The following AFP variants were observed in gnomAD, a reference collection of about 807,000 sequenced individuals.
AFP encodes the protein alpha fetoprotein, also known as alpha-fetoprotein.
In AFP, 64 loss-of-function variants were observed where a neutral mutation model predicts 78.9. The observed-to-expected ratio is 0.81, with a 90% CI of 0.66 to 1.00. The LOEUF is 1.00. Ranked by LOEUF, AFP falls within the 50% of genes least tolerant of loss-of-function variation. AFP has a pLI of 0.00. For synonymous variants in AFP, 254 were observed against 243.8 expected (o/e 1.04, Z -0.39); for missense variants, 689 against 703.8 (o/e 0.98, Z 0.24).
intron 7 of AFP, 147 bp downstream of exon 7, chr4:73,445,269 A>C: frequency 1.0e-6 from 1 of 955,640 alleles, no homozygotes; most frequent in South Asian, 1.5e-5. Context: ...AATTCTCGGT[A>C]GTAAAACTTA....
chr4:73,440,966 G>A (rs1222923394), intron 4 of AFP, among the ~76,000 whole-genome samples, 153 bp downstream of exon 4: 5 of 152,098 alleles, frequency 3.3e-5, no homozygotes, highest in African/African-American at 1.2e-4. Flanking sequence ...AAGGTAATTA[G>A]GAGAGCAACA....
chr4:73,450,594 GT>G lies in AFP; in HGVS notation c.1290-19del. The G allele has an allele frequency of 6.2e-7, 1 of 1,614,066 alleles. No homozygotes were observed. The highest frequency in any genetic ancestry group is 8.5e-7 in the Non-Finnish European group (1 of 1,179,972). On this transcript the variant is annotated intron_variant, in intron 10 of 14. Coordinates refer to ENST00000395792, the MANE Select transcript of AFP (RefSeq NM_001134.3). ...CTCATGAATGACTCAGCAGGACTTAGTTAAAAAATGCTTCTTTCAGGTTTCT... is the reference window on the plus strand; with the variant it reads ...CTCATGAATGACTCAGCAGGACTTAGTAAAAAATGCTTCTTTCAGGTTTCT...
At chr4:73,455,382 T>A (rs1560399222) in intron 14 of AFP, 92 bp downstream of exon 14, 1 of 1,073,920 alleles carries the variant, frequency 9.3e-7, no homozygotes, top group East Asian at 2.4e-5. Flanking sequence ...TGCCATTAAT[T>A]CTCTTAAAAA....
chr4:73,450,002 G>GA, intron 9 of AFP, 34 bp from the exon 10 acceptor site: 3 of 1,495,770 alleles, frequency 2.0e-6, no homozygotes, highest in Non-Finnish European at 2.8e-6. Context: ...TCCAAGAAAA[G>GA]AAAAATGTAT....
At position 73,449,469 on chromosome 4, in the gene AFP, T is replaced by C; in HGVS notation, c.1191+2T>C. On this transcript the variant is annotated splice_donor_variant, in intron 9 of 14. Coordinates refer to ENST00000395792, the MANE Select transcript of AFP (RefSeq NM_001134.3). LOFTEE classifies it high-confidence loss of function. Reference sequence around the variant, plus strand: ...CCTCTTGAATGCCAAGATAAAGGAGTAAGTTGCTCTAGAATTTTAGGGGAG... The same window carrying C: ...CCTCTTGAATGCCAAGATAAAGGAGCAAGTTGCTCTAGAATTTTAGGGGAG... 6.2e-7 allele frequency: 1 copy of C among 1,613,228 alleles called. No homozygotes were observed. Among genetic ancestry groups the C allele is most frequent in the Non-Finnish European group, 8.5e-7 (1 of 1,179,542 alleles).
At chr4:73,453,018 A>C (rs1373611750) in intron 12 of AFP, among the ~76,000 whole-genome samples, 1 of 152,182 alleles carries the variant, frequency 6.6e-6, no homozygotes, top group Non-Finnish European at 1.5e-5. Flanking sequence ...CTTTGAAGAG[A>C]ATAACCATCT....
intron 7 of AFP, among the ~76,000 whole-genome samples, chr4:73,445,485 A>T (rs1360573717): frequency 6.6e-6 from 1 of 152,180 alleles, no homozygotes; most frequent in Non-Finnish European, 1.5e-5. Context: ...AATATATATT[A>T]AATACTTTCT....
At chr4:73,451,595 A>G (rs1719994728) in intron 11 of AFP, among the ~76,000 whole-genome samples, 1 of 152,124 alleles carries the variant, frequency 6.6e-6, no homozygotes. Flanking sequence ...ATGGTTCAGG[A>G]GTGTATGTTC....
intron 13 of AFP, among the ~76,000 whole-genome samples, chr4:73,454,178 G>A (rs904874018): frequency 1.3e-4 from 19 of 151,680 alleles, no homozygotes; most frequent in Admixed American, 1.1e-3. Context: ...AATAATTGAC[G>A]GTAATTTAGA....
intron 7 of AFP, among the ~76,000 whole-genome samples, chr4:73,446,454 G>GA (rs1245991492): frequency 2.0e-5 from 3 of 152,150 alleles, no homozygotes; most frequent in African/African-American, 7.2e-5. Context: ...TCTTTGCTGA[G>GA]AATGTACAGA....
chr4:73,455,535 G>A (rs1385248111), intron 14 of AFP, 96 bp from the exon 15 acceptor site: 12 of 651,214 alleles, frequency 1.8e-5, no homozygotes, highest in Admixed American at 5.6e-5. Flanking sequence ...ACTTTCCTAC[G>A]TATCCAATAT....
At chr4:73,443,196 C>A in intron 5 of AFP, 151 bp from the exon 6 acceptor site, 1 of 692,402 alleles carries the variant, frequency 1.4e-6, no homozygotes, top group South Asian at 1.8e-5. Flanking sequence ...CAATAATATT[C>A]TGCGATAATG....
chr4:73,449,980 C>A (rs533487279), intron 9 of AFP, 56 bp from the exon 10 acceptor site: 3 of 1,155,076 alleles, frequency 2.6e-6, no homozygotes, highest in African/African-American at 3.1e-5. Context: ...ATTTTATATA[C>A]AAAGTTATGC....
intron 3 of AFP, among the ~76,000 whole-genome samples, chr4:73,440,243 T>A (rs1346267907): frequency 1.3e-5 from 2 of 152,252 alleles, no homozygotes; most frequent in East Asian, 3.9e-4. Context: ...CCCCAGTGTG[T>A]GCTGTTTCCC....
At chr4:73,442,189 T>C (rs1719689987) in intron 4 of AFP, 107 bp from the exon 5 acceptor site, 5 of 1,104,256 alleles carry the variant, frequency 4.5e-6, no homozygotes, top group Non-Finnish European at 5.3e-6. Flanking sequence ...ATGCATTTTG[T>C]TGTTGTTGTT....
At chr4:73,453,694 C>T in intron 12 of AFP, 71 bp from the exon 13 acceptor site, 1 of 1,566,746 alleles carries the variant, frequency 6.4e-7, no homozygotes, top group Non-Finnish European at 8.7e-7. Flanking sequence ...AAATTCTCTA[C>T]TAGGAAGGCT....
At chr4:73,441,446 T>G (rs1719661156) in intron 4 of AFP, among the ~76,000 whole-genome samples, 1 of 150,922 alleles carries the variant, frequency 6.6e-6, no homozygotes, top group East Asian at 2.0e-4. Context: ...TGGGCGCCTG[T>G]AGTCCCAGCT....
chr4:73,448,956 C>G (rs913954003), intron 8 of AFP, among the ~76,000 whole-genome samples: 3 of 152,070 alleles, frequency 2.0e-5, no homozygotes, highest in Admixed American at 6.5e-5. Flanking sequence ...ATTTGTTCTG[C>G]CTCCCTATAA....
intron 11 of AFP, among the ~76,000 whole-genome samples, chr4:73,452,152 G>A (rs1338510527): frequency 6.6e-6 from 1 of 152,130 alleles, no homozygotes; most frequent in Non-Finnish European, 1.5e-5. Flanking sequence ...GACACAAATA[G>A]CTAAATGACT....
Sources: allele counts gnomAD v4.1 joint callset (sites outside exome capture counted in the v4.1 genomes callset), GRCh38; gene constraint gnomAD v4.1.1; transcripts MANE v1.5; gene names NCBI Gene and HGNC (gene_info 2026-07-23, HGNC 2026-07-21).